Variants in BICD1 observed in about 807,000 individuals in gnomAD.
BICD1 encodes protein bicaudal D homolog 1.
Under a neutral mutation model 92.5 loss-of-function variants are expected in BICD1, and 35 were observed. The ratio of observed to expected loss-of-function variants is 0.38; its 90% CI spans 0.29 to 0.50. The LOEUF is 0.50. Among genes scored for constraint, BICD1 ranks in the 20% least tolerant of loss-of-function variants. The pLI is 0.93. For synonymous variants in BICD1, 429 were observed against 465.1 expected, an observed-to-expected ratio of 0.92 and a Z score of 1.00; for missense variants, 950 against 1,189.8, an observed-to-expected ratio of 0.80 and a Z score of 2.97.
chr12:32,151,812 A>C (rs1943295391), intron 1 of BICD1, among the ~76,000 whole-genome samples: 1 of 152,166 alleles, frequency 6.6e-6, no homozygotes, highest in Non-Finnish European at 1.5e-5. Context: ...CTCTGCCTGC[A>C]CATCTGCTTC....
chr12:32,188,368 T>A (rs1944476736), intron 1 of BICD1, among the ~76,000 whole-genome samples: 1 of 152,234 alleles, frequency 6.6e-6, no homozygotes, highest in African/African-American at 2.4e-5. Flanking sequence ...ACAAGATTAG[T>A]GAGCACATCA....
At chr12:32,264,653 A>T (rs927339874) in intron 2 of BICD1, among the ~76,000 whole-genome samples, 1 of 151,744 alleles carries the variant, frequency 6.6e-6, no homozygotes, top group Non-Finnish European at 1.5e-5. Context: ...ACACCCTCCT[A>T]ATTTTTGTAT....
intron 6 of BICD1, among the ~76,000 whole-genome samples, chr12:32,335,627 C>T (rs189952793): frequency 1.4e-5 from 2 of 145,898 alleles, no homozygotes; most frequent in African/African-American, 5.0e-5. Context: ...GTCACCCAGG[C>T]TGAAGTGCAG....
At chr12:32,376,200 C>A (rs1939953168) in intron 9 of BICD1, among the ~76,000 whole-genome samples, 1 of 151,408 alleles carries the variant, frequency 6.6e-6, no homozygotes, top group African/African-American at 2.4e-5. Context: ...TCTCCTGCCT[C>A]AGCCTCCCGA....
rs184934502 is a variant in BICD1 at position 32,382,871 on chromosome 12, T to C, written c.*5244T>C. 8.1e-4 allele frequency: 124 copies of C among 152,192 alleles called. No individual in the cohort carries two copies. Among genetic ancestry groups the C allele is most frequent in the African/African-American group, 2.5e-3 (105 of 41,564 alleles). The allele number at this position is 152,192 out of a possible 1,614,324, so 9.4% of individuals were successfully genotyped here. On this transcript the variant is annotated 3_prime_UTR_variant, in exon 10 of 10. Transcript: ENST00000652176. ...ATTATTCAATGATAGATAATGGAGA[T>C]ACAGAATGACTCATTGGGTTCATAG... is the stretch of plus-strand genomic sequence containing the variant.
chr12:32,242,032 A>AAAAC (rs549055036), intron 2 of BICD1, among the ~76,000 whole-genome samples: 34 of 150,584 alleles, frequency 2.3e-4, no homozygotes, highest in South Asian at 2.1e-4. Flanking sequence ...CTGTCTCTCC[A>AAAAC]AAACAAACAA....
At chr12:32,116,670 C>T (rs1398503379) in intron 1 of BICD1, among the ~76,000 whole-genome samples, 1 of 136,818 alleles carries the variant, frequency 7.3e-6, no homozygotes, top group Admixed American at 8.3e-5. Flanking sequence ...CAGGTGCACA[C>T]CACTATGCTG....
intron 1 of BICD1, among the ~76,000 whole-genome samples, chr12:32,188,974 C>T (rs1944493049): frequency 6.6e-6 from 1 of 152,152 alleles, no homozygotes; most frequent in Non-Finnish European, 1.5e-5. Context: ...ATAACCAGTA[C>T]CAAAGTTATT....
At chr12:32,351,164 T>TAA (rs71445892) in intron 8 of BICD1, among the ~76,000 whole-genome samples, 49,599 of 137,386 alleles carry the variant, frequency 0.36, 9,006 homozygotes, top group East Asian at 0.69. Context: ...AATAATTACT[T>TAA]AAAAAAAAAA....
At chr12:32,182,886 CTTTCTT>C (rs1210490758) in intron 1 of BICD1, among the ~76,000 whole-genome samples, 1 of 80,418 alleles carries the variant, frequency 1.2e-5, no homozygotes, top group African/African-American at 4.9e-5. Context: ...TCTTTTCTTT[CTTTCTT>C]TTTTTTTTTT....
intron 1 of BICD1, among the ~76,000 whole-genome samples, chr12:32,130,876 C>T (rs527563412): frequency 4.6e-5 from 7 of 152,148 alleles, no homozygotes; most frequent in South Asian, 2.1e-4. Context: ...CTATTTCTGT[C>T]GCCCAGGTTG....
intron 2 of BICD1, among the ~76,000 whole-genome samples, chr12:32,258,213 AT>A (rs1449201558): frequency 1.3e-5 from 2 of 151,898 alleles, no homozygotes; most frequent in Non-Finnish European, 2.9e-5. Flanking sequence ...ACTTACTTTC[AT>A]TTTCATTTTA....
At chr12:32,190,699 A>G (rs1207268344) in intron 1 of BICD1, among the ~76,000 whole-genome samples, 1 of 152,222 alleles carries the variant, frequency 6.6e-6, no homozygotes, top group African/African-American at 2.4e-5. Flanking sequence ...TCCAGACAGA[A>G]AATCAATGAG....
At chr12:32,146,971 G>C (rs1404313645) in intron 1 of BICD1, among the ~76,000 whole-genome samples, 2 of 149,260 alleles carry the variant, frequency 1.3e-5, no homozygotes, top group African/African-American at 5.0e-5. Context: ...AGACAGTCTT[G>C]CTCTGTCACC....
At chr12:32,354,622 C>T (rs1592713610) in intron 8 of BICD1, among the ~76,000 whole-genome samples, 1 of 152,076 alleles carries the variant, frequency 6.6e-6, no homozygotes, top group African/African-American at 2.4e-5. Context: ...TCTGTGGGTA[C>T]TTTTAGAATA....
Position 32,346,586 on chromosome 12 carries a change from G to GTA in BICD1, c.2764+7632_2764+7633dup, listed in dbSNP as rs1209956649. Among the ~76,000 whole-genome samples the GTA allele has an allele frequency of 1.6e-3, 17 of 10,346 alleles. 1 individual carries two copies. Among genetic ancestry groups the GTA allele is most frequent in the South Asian group, 0.012 (2 of 168 alleles). The allele number at this position is 10,346 out of a possible 152,430, so 6.8% of individuals were successfully genotyped here. A position where few individuals can be genotyped will look rare whatever the true frequency, so the allele number is the denominator to read the frequency against. ...TATATATATATATATATATATACGT[G>GTA]TATATATATATATATATATATATAT... On this transcript the variant is annotated intron_variant, in intron 8 of 9. Coordinates refer to ENST00000652176, the MANE Select transcript of BICD1 (RefSeq NM_001714.4).
chr12:32,375,300 G>A (rs146861065), intron 9 of BICD1, among the ~76,000 whole-genome samples: 3,792 of 152,108 alleles, frequency 0.025, 175 homozygotes, highest in African/African-American at 0.087. Flanking sequence ...AGGCCGAGGT[G>A]GGCAGATCAC....
chr12:32,245,976 G>A (rs569224318), intron 2 of BICD1, among the ~76,000 whole-genome samples: 1 of 131,120 alleles, frequency 7.6e-6, no homozygotes, highest in Non-Finnish European at 1.6e-5. Context: ...GTTGCAGTGA[G>A]CCGAGATCGT....
rs893715322 is a variant in BICD1, at chr12:32,381,081, T to A, written c.*3454T>A. The A allele has an allele frequency of 5.9e-5, 9 of 152,254 alleles. No individual in the cohort carries two copies. Among genetic ancestry groups the A allele is most frequent in the African/African-American group, 2.2e-4 (9 of 41,568 alleles). The allele number at this position is 152,254 out of a possible 1,614,324, so 9.4% of individuals were successfully genotyped here. Reference sequence around the variant, plus strand: ...TGGGAGCTCATAATCCTGTGATTCTTTTATTTTAAGTTTTAAAATACATTA... The same window carrying A: ...TGGGAGCTCATAATCCTGTGATTCTATTATTTTAAGTTTTAAAATACATTA... On this transcript the variant is annotated 3_prime_UTR_variant, in exon 10 of 10. Transcript: ENST00000652176.
Sources: gnomAD v4.1 joint callset for allele counts (sites outside exome capture counted in the v4.1 genomes callset) on GRCh38, gnomAD v4.1.1 for gene constraint, MANE v1.5 for transcripts, NCBI Gene and HGNC (gene_info 2026-07-23, HGNC 2026-07-21) for gene names.